The following P2RY14 variants were observed in gnomAD, a reference collection of about 807,000 sequenced individuals.
P2RY14 encodes the protein P2Y purinoceptor 14.
In P2RY14, 2 loss-of-function variants were observed where a neutral mutation model predicts 0.9. The ratio of observed to expected loss-of-function variants is 2.16; its 90% confidence interval spans 0.88 to 6.79. The LOEUF (loss-of-function observed/expected upper bound fraction) is 6.79. Among genes scored for constraint, P2RY14 ranks in the 30% most tolerant of loss-of-function variants. The pLI is 0.05. For missense variants in P2RY14, 378 were observed against 400.1 expected (o/e 0.94, Z 0.47); for synonymous variants, 158 against 147.2 (o/e 1.07, Z -0.53).
intron 1 of P2RY14, among the ~76,000 whole-genome samples, chr3:151,249,892 T>A (rs1736496026): frequency 6.6e-6 from 1 of 152,184 alleles, no homozygotes; most frequent in South Asian, 2.1e-4. Context: ...CTACTTGAAT[T>A]CATCCAGTTT....
At chr3:151,225,594 G>A (rs1333845154) in intron 1 of P2RY14, among the ~76,000 whole-genome samples, 1 of 152,056 alleles carries the variant, frequency 6.6e-6, no homozygotes, top group Non-Finnish European at 1.5e-5. Flanking sequence ...ATTTTGAAAC[G>A]GACACTCAAA....
intron 1 of P2RY14, among the ~76,000 whole-genome samples, chr3:151,250,208 G>T (rs1309614794): frequency 6.6e-6 from 1 of 152,078 alleles, no homozygotes; most frequent in African/African-American, 2.4e-5. Flanking sequence ...CCTCCTCATT[G>T]CACATTCCTC....
intron 1 of P2RY14, chr3:151,270,109 AAG>A (rs1740611083): frequency 8.4e-6 from 2 of 238,880 alleles, no homozygotes; most frequent in African/African-American, 2.4e-5. Flanking sequence ...GGAGGAAAGA[AAG>A]GGGGTGAAGG....
chr3:151,272,307 A>G (rs910902158), intron 1 of P2RY14, among the ~76,000 whole-genome samples: 3 of 152,240 alleles, frequency 2.0e-5, no homozygotes, highest in Admixed American at 2.0e-4. Context: ...CAAGATAAAA[A>G]TAAAACAGGA....
chr3:151,238,155 C>CTTTTTA (rs1553753446), intron 1 of P2RY14, among the ~76,000 whole-genome samples: 1 of 145,792 alleles, frequency 6.9e-6, no homozygotes, highest in Non-Finnish European at 1.5e-5. Flanking sequence ...TTTTCTTTTT[C>CTTTTTA]TTTTTTCTTG....
chr3:151,233,155 C>T (rs1334162377), intron 1 of P2RY14, among the ~76,000 whole-genome samples: 7 of 152,120 alleles, frequency 4.6e-5, no homozygotes, highest in Non-Finnish European at 8.8e-5. Flanking sequence ...TTCTGCAGAT[C>T]TGGGTCATTT....
intron 1 of P2RY14, among the ~76,000 whole-genome samples, chr3:151,247,681 C>T (rs1479570024): frequency 6.9e-6 from 1 of 145,456 alleles, no homozygotes; most frequent in Non-Finnish European, 1.5e-5. Flanking sequence ...TTAGTGGGTG[C>T]AGTGCACCAG....
chr3:151,223,191 CTA>C (rs1330956473), intron 1 of P2RY14, among the ~76,000 whole-genome samples: 1 of 85,176 alleles, frequency 1.2e-5, no homozygotes, highest in Non-Finnish European at 2.5e-5. Flanking sequence ...AAAAAAAAAA[CTA>C]GATGTCAGTG....
At chr3:151,246,302 C>T (rs1449688886) in intron 1 of P2RY14, among the ~76,000 whole-genome samples, 20 of 152,028 alleles carry the variant, frequency 1.3e-4, no homozygotes, top group African/African-American at 2.9e-4. Flanking sequence ...AAAAAGAGCC[C>T]GTATCGCCAA....
chr3:151,250,340 A>G (rs1010041252), intron 1 of P2RY14, among the ~76,000 whole-genome samples: 9 of 152,196 alleles, frequency 5.9e-5, no homozygotes, highest in African/African-American at 2.2e-4. Context: ...CGTTAATTAC[A>G]TTCACATTGT....
At chr3:151,247,375 A>T (rs1183673233) in intron 1 of P2RY14, among the ~76,000 whole-genome samples, 1 of 152,264 alleles carries the variant, frequency 6.6e-6, no homozygotes, top group South Asian at 2.1e-4. Context: ...AATGTCCAAC[A>T]ATGATAGACT....
chr3:151,277,373 G>A (rs576008512), intron 1 of P2RY14, among the ~76,000 whole-genome samples: 61 of 152,110 alleles, frequency 4.0e-4, no homozygotes, highest in South Asian at 1.0e-3. Context: ...TGCCATTTTG[G>A]TATTTTCCGA....
chr3:151,229,918 G>T (rs565959402), intron 1 of P2RY14, among the ~76,000 whole-genome samples: 5 of 152,200 alleles, frequency 3.3e-5, no homozygotes, highest in African/African-American at 1.2e-4. Flanking sequence ...TGAAATCAAA[G>T]ACCTTTACTT....
At chr3:151,251,426 C>T (rs1046906204) in intron 1 of P2RY14, among the ~76,000 whole-genome samples, 4 of 151,986 alleles carry the variant, frequency 2.6e-5, no homozygotes, top group Non-Finnish European at 5.9e-5. Flanking sequence ...TTATTCCCAC[C>T]AAACCTCAGG....
At chr3:151,240,918 C>T (rs552848401) in intron 1 of P2RY14, among the ~76,000 whole-genome samples, 1 of 152,290 alleles carries the variant, frequency 6.6e-6, no homozygotes, top group South Asian at 2.1e-4. Flanking sequence ...GTCATCTTGC[C>T]TGAATCACTG....
At chr3:151,250,133 C>T (rs1736556045) in intron 1 of P2RY14, among the ~76,000 whole-genome samples, 1 of 152,140 alleles carries the variant, frequency 6.6e-6, no homozygotes, top group Non-Finnish European at 1.5e-5. Flanking sequence ...TCCACTTTCC[C>T]ATTCACTCTG....
intron 2 of P2RY14, among the ~76,000 whole-genome samples, chr3:151,216,920 G>T (rs532987760): frequency 6.6e-6 from 1 of 152,128 alleles, no homozygotes; most frequent in Non-Finnish European, 1.5e-5. Context: ...CAGAGCTTGA[G>T]AGAATGCATG....
chr3:151,250,791 A>C (rs1736704743), intron 1 of P2RY14, among the ~76,000 whole-genome samples: 1 of 152,200 alleles, frequency 6.6e-6, no homozygotes, highest in South Asian at 2.1e-4. Flanking sequence ...CCCAGAAGCA[A>C]AATTGCTGGA....
chr3:151,269,993 G>T (rs908802045), intron 1 of P2RY14: 5 of 269,622 alleles, frequency 1.9e-5, no homozygotes, highest in Non-Finnish European at 3.6e-5. Flanking sequence ...TTTCAATATG[G>T]ATGATGAAGA....
Sources: allele counts gnomAD v4.1 joint callset (sites outside exome capture counted in the v4.1 genomes callset), GRCh38; gene constraint gnomAD v4.1.1; transcripts MANE v1.5; gene names NCBI Gene and HGNC (gene_info 2026-07-23, HGNC 2026-07-21).